Variants in ZNF407 observed in about 807,000 individuals in gnomAD.
ZNF407 encodes zinc finger protein 407.
ZNF407 carries 17 observed loss-of-function variants against 131.2 expected under a neutral mutation model. The observed-to-expected ratio is 0.13, with a 90% CI of 0.09 to 0.19. ZNF407 has a LOEUF of 0.19. Among genes scored for constraint, ZNF407 ranks in the 10% least tolerant of loss-of-function variants. The pLI, the probability that ZNF407 is intolerant of heterozygous loss-of-function variation, is 1.00. For missense variants in ZNF407, 2,681 were observed against 2,830.6 expected (o/e 0.95, Z 1.20); for synonymous variants, 1,156 against 1,062.0 (o/e 1.09, Z -1.72).
intron 3 of ZNF407, among the ~76,000 whole-genome samples, chr18:74,679,963 T>C (rs534904413): frequency 6.6e-6 from 1 of 152,260 alleles, no homozygotes; most frequent in South Asian, 2.1e-4. Flanking sequence ...GGACCCGTTA[T>C]TATGAATGTG....
In ZNF407 at chr18:74,877,245, C is replaced by T. The variant is rs1483402203; in HGVS notation, c.4926C>T (p.Ala1642=). ...LCDRSFTEKW[A]LNNHMKLHTG... ...ATAGAAGTTTCACAGAGAAGTGGGC[C>T]CTGAACAACCACATGAAACTCCACA... Residue 1642 remains alanine (A), a synonymous_variant, in exon 5 of 9, where the codon GCC becomes GCT. Coordinates refer to ENST00000299687, the MANE Select transcript of ZNF407 (RefSeq NM_017757.3). 2 of 1,613,942 alleles carry T rather than the reference C, an allele frequency of 1.2e-6. No individual in the cohort carries two copies. Among genetic ancestry groups the T allele is most frequent in the Middle Eastern group, 1.7e-4 (1 of 6,046 alleles).
intron 1 of ZNF407, among the ~76,000 whole-genome samples, chr18:74,622,849 TGA>T (rs1983585863): frequency 2.7e-5 from 4 of 148,812 alleles, no homozygotes; most frequent in Admixed American, 6.6e-5. Context: ...TGTATCTGAA[TGA>T]GTGTGTGGGT....
At chr18:74,788,169 T>C (rs1283766116) in intron 4 of ZNF407, among the ~76,000 whole-genome samples, 1 of 152,230 alleles carries the variant, frequency 6.6e-6, no homozygotes, top group Non-Finnish European at 1.5e-5. Context: ...ATTTTTTCCT[T>C]ATGGGGAAGT....
At chr18:74,943,827 G>A (rs1278293482) in intron 8 of ZNF407, among the ~76,000 whole-genome samples, 2 of 152,150 alleles carry the variant, frequency 1.3e-5, no homozygotes, top group Non-Finnish European at 2.9e-5. Flanking sequence ...CGTGGGATTA[G>A]TGTTGAAGAG....
intron 1 of ZNF407, among the ~76,000 whole-genome samples, chr18:74,616,534 C>T (rs1300108326): frequency 6.6e-5 from 10 of 151,740 alleles, no homozygotes; most frequent in Admixed American, 6.6e-4. Context: ...CAGCCCACTC[C>T]CTCCACCCCT....
At chr18:74,781,041 A>G (rs979377524) in intron 3 of ZNF407, among the ~76,000 whole-genome samples, 12 of 152,150 alleles carry the variant, frequency 7.9e-5, no homozygotes, top group African/African-American at 2.7e-4. Context: ...TCCTTTAAAT[A>G]TTTAATAAAA....
chr18:74,762,113 C>T (rs1370926926), intron 3 of ZNF407, among the ~76,000 whole-genome samples: 1 of 151,854 alleles, frequency 6.6e-6, no homozygotes, highest in Admixed American at 6.6e-5. Flanking sequence ...ACAGTGTTAC[C>T]ATCCCTCTGC....
chr18:74,802,779 T>C (rs572216585), intron 4 of ZNF407, among the ~76,000 whole-genome samples: 1 of 152,356 alleles, frequency 6.6e-6, no homozygotes, highest in South Asian at 2.1e-4. Context: ...ATGCATGTTT[T>C]ATAGAGCTTT....
intron 8 of ZNF407, among the ~76,000 whole-genome samples, chr18:74,983,225 C>T (rs1972613559): frequency 6.6e-6 from 1 of 152,112 alleles, no homozygotes; most frequent in Middle Eastern, 3.4e-3. Flanking sequence ...TGCTGTTTCA[C>T]GCTTTATGGT....
At chr18:75,062,232 T>G (rs1056635432) in intron 8 of ZNF407, 2 of 152,044 alleles carry the variant, frequency 1.3e-5, no homozygotes, top group African/African-American at 4.8e-5. Flanking sequence ...GGCTACAATG[T>G]TGTTTCGTTT....
At chr18:74,624,148 G>A (rs150259324) in intron 1 of ZNF407, among the ~76,000 whole-genome samples, 1 of 152,270 alleles carries the variant, frequency 6.6e-6, no homozygotes, top group East Asian at 1.9e-4. Flanking sequence ...CAGTCAGTGA[G>A]TCTTCTGCCT....
At position 74,644,271 on chromosome 18, in the gene ZNF407, T is replaced by C. The variant is rs562165332; in HGVS notation, c.4802+3149T>C. ...AGGAATTTTATAGAATATAGGTGTG[T>C]TTATATTTAGGCACTTGATGGATAG... On this transcript the variant is annotated intron_variant, in intron 3 of 8. Coordinates refer to ENST00000299687, the MANE Select transcript of ZNF407 (RefSeq NM_017757.3). Among the ~76,000 whole-genome samples, 16 of 151,108 alleles carry C rather than the reference T, an allele frequency of 1.1e-4. No individual in the cohort carries two copies. The South Asian group carries it at 3.3e-3, about 32-fold the overall frequency.
At chr18:74,798,307 A>T (rs758968078) in intron 4 of ZNF407, among the ~76,000 whole-genome samples, 1 of 151,392 alleles carries the variant, frequency 6.6e-6, no homozygotes, top group Non-Finnish European at 1.5e-5. Flanking sequence ...TTTCTTTATG[A>T]GGAAAACATT....
intron 7 of ZNF407, among the ~76,000 whole-genome samples, chr18:74,912,825 A>G (rs1971692943): frequency 6.6e-6 from 1 of 152,206 alleles, no homozygotes; most frequent in Non-Finnish European, 1.5e-5. Context: ...CTTCTGTCCT[A>G]AAGAGCCAGT....
intron 4 of ZNF407, among the ~76,000 whole-genome samples, chr18:74,872,766 GAA>G (rs5826351): frequency 1.3e-4 from 16 of 123,186 alleles, no homozygotes; most frequent in Admixed American, 3.3e-4. Context: ...AAAAAAAAAA[GAA>G]AAAAAAAAAA....
chr18:74,959,278 GACC>G (rs1389415549), intron 8 of ZNF407, among the ~76,000 whole-genome samples: 2 of 152,146 alleles, frequency 1.3e-5, no homozygotes, highest in Non-Finnish European at 2.9e-5. Flanking sequence ...ATTTAAATTA[GACC>G]ATCATCATCA....
intron 3 of ZNF407, among the ~76,000 whole-genome samples, chr18:74,720,973 C>T (rs2144870394): frequency 7.0e-6 from 1 of 143,460 alleles, no homozygotes; most frequent in East Asian, 2.0e-4. Flanking sequence ...TTTGACTATT[C>T]AGGGTCTTTT....
At chr18:74,804,702 AACCT>A in intron 4 of ZNF407, 1 of 722,376 alleles carries the variant, frequency 1.4e-6, no homozygotes, top group Non-Finnish European at 1.7e-6. Flanking sequence ...TTTGTACCAC[AACCT>A]ACCATGATTA....
intron 8 of ZNF407, among the ~76,000 whole-genome samples, chr18:75,031,551 A>C (rs1973240657): frequency 6.6e-6 from 1 of 152,350 alleles, no homozygotes; most frequent in South Asian, 2.1e-4. Context: ...GTGACTCATG[A>C]AACTGCTTGT....
Sources: gnomAD v4.1 joint callset for allele counts (sites outside exome capture counted in the v4.1 genomes callset) on GRCh38, gnomAD v4.1.1 for gene constraint, MANE v1.5 for transcripts, NCBI Gene and HGNC (gene_info 2026-07-23, HGNC 2026-07-21) for gene names.